Variants in SIGLEC7 observed in about 807,000 individuals in gnomAD.
SIGLEC7 encodes the protein sialic acid binding Ig like lectin 7.
Under a neutral mutation model 40.8 loss-of-function variants are expected in SIGLEC7, and 33 were observed. The observed-to-expected ratio is 0.81, with a 90% CI of 0.61 to 1.08. The LOEUF (loss-of-function observed/expected upper bound fraction) is 1.08, where lower values mean the gene tolerates loss of function less well. SIGLEC7 is among the 50% of genes least tolerant of loss of function. SIGLEC7 has a pLI of 0.00. For synonymous variants in SIGLEC7, 242 were observed against 237.6 expected, an observed-to-expected ratio of 1.02 and a Z score of -0.17; for missense variants, 513 against 576.1, an observed-to-expected ratio of 0.89 and a Z score of 1.12.
Position 51,153,072 on chromosome 19 carries a change from A to T in SIGLEC7, c.1231A>T (p.Thr411Ser), listed in dbSNP as rs771779160. 98 of 1,567,252 alleles carry T rather than the reference A, an allele frequency of 6.3e-5. No individual in the cohort carries two copies. Among genetic ancestry groups the T allele is most frequent in the Non-Finnish European group, 7.8e-5 (90 of 1,157,114 alleles). ...CTCTCTCTCCATTCAGGGTAACCTG[A>T]CTGAGTCCTGGGCAGATGATAACCC... ...IRGSASQGNLTESWADDNPRH... is the reference protein window; with the variant it reads ...IRGSASQGNLSESWADDNPRH... Residue 411 changes from threonine to serine, a missense_variant, in exon 7 of 7, where the codon ACT (threonine) becomes TCT (serine). By Grantham distance (58) the Thr-to-Ser change is moderately conservative (BLOSUM62 1). Transcript: ENST00000317643.
In SIGLEC7 at chr19:51,142,793, A is replaced by C. The variant is rs2092078408; in HGVS notation, c.424A>C (p.Asn142His). The C allele has an allele frequency of 6.3e-7, 1 of 1,590,788 alleles. No homozygotes were observed. Among genetic ancestry groups the C allele is most frequent in the African/African-American group, 1.3e-5 (1 of 74,556 alleles). Residue 142 changes from asparagine (N) to histidine (H), a missense_variant, in exon 1 of 7, where the codon AAC (asparagine) becomes CAC (histidine). Asn to His is a moderately conservative substitution (Grantham distance 68). Coordinates refer to ENST00000317643, the MANE Select transcript of SIGLEC7 (RefSeq NM_014385.4). This position sits in a 1 kb window ranked among gnomAD's most constrained non-coding sequence, Gnocchi z 5.0. ...WNYKYDQLSV[N>H]VTALTHRPNI... ...TTATAAATATGACCAGCTCTCTGTG[A>C]ACGTGACAGGTAAGGCACGGGCTCC...
chr19:51,147,727 T>A (rs1209454928), intron 6 of SIGLEC7, among the ~76,000 whole-genome samples: 2 of 152,080 alleles, frequency 1.3e-5, no homozygotes, highest in Non-Finnish European at 2.9e-5. Context: ...ATGGGAGGAA[T>A]CATTCAGAAG....
chr19:51,148,487 C>T (rs377119519), intron 6 of SIGLEC7, among the ~76,000 whole-genome samples: 19 of 152,194 alleles, frequency 1.2e-4, no homozygotes, highest in African/African-American at 4.3e-4. Context: ...TGGCCTCCAG[C>T]TCCATCCATG....
chr19:51,150,483 A>C (rs1331000906), intron 6 of SIGLEC7, among the ~76,000 whole-genome samples: 3 of 152,164 alleles, frequency 2.0e-5, no homozygotes, highest in Non-Finnish European at 2.9e-5. Context: ...CATGAAGCCG[A>C]CTTGATCATA....
At chr19:51,143,532 TGGGTCTCTA>T (rs988384029) in intron 1 of SIGLEC7, among the ~76,000 whole-genome samples, 9 of 151,952 alleles carry the variant, frequency 5.9e-5, no homozygotes, top group African/African-American at 2.2e-4. Flanking sequence ...CCTCCCTGGG[TGGGTCTCTA>T]GGGTCTCTGA....
rs1265287015 is a variant in SIGLEC7, at chr19:51,145,999, A to G, written c.905A>G (p.Asn302Ser). Residue 302 changes from asparagine to serine, a missense_variant, in exon 4 of 7, where the codon AAC becomes AGC. By Grantham distance (46) the Asn-to-Ser change is conservative. Transcript: ENST00000317643. This position sits in a 1 kb window ranked among gnomAD's most constrained non-coding sequence, Gnocchi z 4.3. ...SLTLYPSQPS[N>S]PLVLELQVHL... ...ACCCTGTACCCCTCACAGCCCTCAA[A>G]CCCTCTGGTACTGGAGCTGCAAGTG... 6.2e-7 allele frequency: 1 copy of G among 1,613,894 alleles called. No homozygotes were observed. Among genetic ancestry groups the G allele is most frequent in the South Asian group, 1.1e-5 (1 of 91,066 alleles).
At chr19:51,149,787 A>T in intron 6 of SIGLEC7, among the ~76,000 whole-genome samples, 1 of 152,268 alleles carries the variant, frequency 6.6e-6, no homozygotes. Flanking sequence ...CCATGAGCAT[A>T]GTATGTTTTT....
Position 51,144,547 on chromosome 19 carries a change from TG to T in SIGLEC7, c.576del (p.His193ThrfsTer27), listed in dbSNP as rs1353070360. On this transcript the variant is annotated frameshift_variant, in exon 2 of 7. Transcript: ENST00000317643. LOFTEE classifies it high-confidence loss of function. ...ISWMGTSVSP[L>X]HPSTTRSSVL... is the part of the protein sequence containing the mutation. ...TGGATGGGGACCTCTGTGTCCCCCC[TG>T]CACCCCTCCACCACCCGCTCCTCAG... The T allele has an allele frequency of 2.6e-6, 4 of 1,550,996 alleles. No homozygotes were observed. The highest frequency in any genetic ancestry group is 1.7e-5 in the Admixed American group (1 of 59,322).
rs555854580 is a variant in SIGLEC7 at position 51,147,278 on chromosome 19, C to T, written c.1182C>T (p.Gly394=). 1.2e-6 allele frequency: 2 copies of T among 1,612,384 alleles called. No homozygotes were observed. Among genetic ancestry groups the T allele is most frequent in the African/African-American group, 1.3e-5 (1 of 74,968 alleles). Residue 394 remains glycine, a synonymous_variant, in exon 6 of 7, where the codon GGC becomes GGT. Coordinates refer to ENST00000317643, the MANE Select transcript of SIGLEC7 (RefSeq NM_014385.4). ...CAGCAGCGGACGTGGGAGACATAGG[C>T]ATGAAGGATGCAAACACCATCAGGG... ...ARPAADVGDI[G]MKDANTIRGS...
chr19:51,143,877 T>C, intron 1 of SIGLEC7: 1 of 444,664 alleles, frequency 2.2e-6, no homozygotes, highest in Non-Finnish European at 4.5e-6. Flanking sequence ...GAGTTGGTGA[T>C]GGTGCAGGAG....
At chr19:51,144,884 T>C in intron 2 of SIGLEC7, 28 bp from the exon 3 acceptor site, 1 of 1,612,854 alleles carries the variant, frequency 6.2e-7, no homozygotes, top group Non-Finnish European at 8.5e-7. Flanking sequence ...CTCACAGTGA[T>C]GCAGGTCTCC....
In SIGLEC7 at chr19:51,147,219, A is replaced by C; in HGVS notation, c.1125-2A>C. ...GAAAGGCTCTCTGGTCTCTTCACTC[A>C]GAGTGAGGTCCTGCAGGAAGAAATC... On this transcript the variant is annotated splice_acceptor_variant, in intron 5 of 6. Transcript: ENST00000317643. LOFTEE classifies it high-confidence loss of function. The C allele has an allele frequency of 1.2e-6, 2 of 1,612,202 alleles. No homozygotes were observed. Among genetic ancestry groups the C allele is most frequent in the Non-Finnish European group, 1.7e-6 (2 of 1,178,868 alleles).
In SIGLEC7 at chr19:51,153,192, T is replaced by A; in HGVS notation, c.1351T>A (p.Ser451Thr). ...TCATAAGGGGGAGCCTCAGGACCTA[T>A]CAGGACAAGAAGCCACCAACAATGA... ...SFHKGEPQDL[S>T]GQEATNNEYS... The change falls in exon 7 of 7, where the codon TCA becomes ACA. Residue 451 changes from serine to threonine, a missense_variant. Transcript: ENST00000317643. 1.2e-6 allele frequency: 2 copies of A among 1,606,844 alleles called. No homozygotes were observed. Among genetic ancestry groups the A allele is most frequent in the Non-Finnish European group, 1.7e-6 (2 of 1,176,728 alleles).
chr19:51,151,174 C>A (rs941994865), intron 6 of SIGLEC7, among the ~76,000 whole-genome samples: 9 of 152,044 alleles, frequency 5.9e-5, no homozygotes, highest in African/African-American at 1.7e-4. Flanking sequence ...ATGACTGTCT[C>A]CCAGATGAAT....
Position 51,144,541 on chromosome 19 carries a change from C to G in SIGLEC7, c.569C>G (p.Ser190Cys), listed in dbSNP as rs993496436. The G allele has an allele frequency of 2.5e-6, 4 of 1,613,594 alleles. No homozygotes were observed. The highest frequency in any genetic ancestry group is 2.7e-5 in the African/African-American group (2 of 75,000). Residue 190 changes from serine to cysteine, a missense_variant, in exon 2 of 7, where the codon TCC becomes TGC. Transcript: ENST00000317643. ...PMISWMGTSV[S>C]PLHPSTTRSS... The stretch of plus-strand genomic sequence containing the variant: ...ATCTCCTGGATGGGGACCTCTGTGT[C>G]CCCCCTGCACCCCTCCACCACCCGC...
intron 6 of SIGLEC7, among the ~76,000 whole-genome samples, chr19:51,151,887 T>G (rs1314119269): frequency 6.6e-6 from 1 of 152,224 alleles, no homozygotes; most frequent in Admixed American, 6.5e-5. Context: ...ATGGAGCATC[T>G]TCTGCACAGG....
intron 5 of SIGLEC7, 123 bp downstream of exon 5, chr19:51,146,973 C>G (rs1223086973): frequency 5.5e-6 from 6 of 1,083,730 alleles, no homozygotes; most frequent in Non-Finnish European, 8.0e-6. Flanking sequence ...AATGAGCTCA[C>G]GGGTGCGTGG....
At chr19:51,149,515 T>C (rs1403158068) in intron 6 of SIGLEC7, among the ~76,000 whole-genome samples, 1 of 152,214 alleles carries the variant, frequency 6.6e-6, no homozygotes, top group African/African-American at 2.4e-5. Context: ...GGTCTATGTG[T>C]CTGTTTTTGT....
intron 6 of SIGLEC7, 100 bp from the exon 7 acceptor site, chr19:51,152,963 A>C: frequency 1.0e-6 from 1 of 978,246 alleles, no homozygotes; most frequent in Non-Finnish European, 1.4e-6. Context: ...ATACAGAGGA[A>C]TATATCCGAA....
Sources: allele counts gnomAD v4.1 joint callset (sites outside exome capture counted in the v4.1 genomes callset), GRCh38; gene constraint gnomAD v4.1.1; non-coding constraint Gnocchi (gnomAD v3.1); transcripts MANE v1.5; gene names NCBI Gene and HGNC (gene_info 2026-07-23, HGNC 2026-07-21).